The following FCHO2 variants were observed in gnomAD, a reference collection of about 807,000 sequenced individuals.
FCHO2 encodes FCH and mu domain containing endocytic adaptor 2, also known as F-BAR domain only protein 2.
Under a neutral mutation model 114.1 loss-of-function variants are expected in FCHO2, and 43 were observed. The ratio of observed to expected loss-of-function variants is 0.38; its 90% CI spans 0.30 to 0.49. The LOEUF (loss-of-function observed/expected upper bound fraction) is 0.49. FCHO2 is among the 20% of genes least tolerant of loss of function. The pLI is 0.97. For missense variants in FCHO2, 807 were observed against 950.4 expected, an observed-to-expected ratio of 0.85 and a Z score of 1.98; for synonymous variants, 293 against 315.2, an observed-to-expected ratio of 0.93 and a Z score of 0.75.
At chr5:73,038,568 C>T (rs948513357) in intron 10 of FCHO2, among the ~76,000 whole-genome samples, 1 of 152,164 alleles carries the variant, frequency 6.6e-6, no homozygotes, top group Non-Finnish European at 1.5e-5. Flanking sequence ...GATGGGCACT[C>T]ATATTTTTAA....
chr5:73,005,154 C>T (rs1261492536), intron 5 of FCHO2, among the ~76,000 whole-genome samples: 2 of 152,108 alleles, frequency 1.3e-5, no homozygotes, highest in African/African-American at 4.8e-5. Flanking sequence ...TAAACAATTA[C>T]ATTTTAGAGA....
intron 23 of FCHO2, among the ~76,000 whole-genome samples, 171 bp downstream of exon 23, chr5:73,082,153 C>A (rs933571332): frequency 2.6e-5 from 4 of 152,044 alleles, no homozygotes; most frequent in African/African-American, 9.7e-5. Context: ...ACCATAGTAA[C>A]CTTAATCAAA....
At chr5:73,002,727 C>T (rs1754511929) in intron 5 of FCHO2, among the ~76,000 whole-genome samples, 1 of 152,196 alleles carries the variant, frequency 6.6e-6, no homozygotes, top group Non-Finnish European at 1.5e-5. Flanking sequence ...CCTATCACCA[C>T]GCTGGGAACT....
At chr5:73,026,320 CTT>C in intron 8 of FCHO2, among the ~76,000 whole-genome samples, 1 of 151,870 alleles carries the variant, frequency 6.6e-6, no homozygotes, top group Non-Finnish European at 1.5e-5. Flanking sequence ...AAATACAAAA[CTT>C]AGCTGGGTGT....
chr5:73,008,628 G>T (rs1321800434), intron 6 of FCHO2, among the ~76,000 whole-genome samples: 47 of 152,100 alleles, frequency 3.1e-4, no homozygotes, highest in Non-Finnish European at 2.9e-5. Context: ...ATCTGGGCTG[G>T]ACATAATGTC....
intron 5 of FCHO2, among the ~76,000 whole-genome samples, chr5:73,000,805 C>T (rs920377036): frequency 6.6e-6 from 1 of 151,866 alleles, no homozygotes; most frequent in Non-Finnish European, 1.5e-5. Flanking sequence ...GACACAAGGT[C>T]TCATGTTGCA....
intron 1 of FCHO2, among the ~76,000 whole-genome samples, chr5:72,967,351 A>T (rs1335123032): frequency 2.6e-5 from 4 of 152,172 alleles, no homozygotes; most frequent in African/African-American, 7.2e-5. Context: ...CTCTTTTGTT[A>T]AATTTTGTCT....
At chr5:73,054,614 T>C (rs1757497833) in intron 15 of FCHO2, 65 bp downstream of exon 15, 35 of 1,190,748 alleles carry the variant, frequency 2.9e-5, no homozygotes, top group Non-Finnish European at 4.0e-5. Context: ...TTTGTTAGTC[T>C]TTTACCTTTA....
chr5:73,079,078 T>C (rs531441917), intron 22 of FCHO2, among the ~76,000 whole-genome samples: 25 of 152,166 alleles, frequency 1.6e-4, no homozygotes, highest in Non-Finnish European at 3.4e-4. Flanking sequence ...TCTAGAAGAA[T>C]AAAGCTTACA....
chr5:73,087,858 T>C, intron 25 of FCHO2, 105 bp downstream of exon 25: 1 of 1,482,970 alleles, frequency 6.7e-7, no homozygotes, highest in Non-Finnish European at 9.1e-7. Flanking sequence ...ACATGGAAAT[T>C]TTTTCTTTAA....
intron 5 of FCHO2, among the ~76,000 whole-genome samples, chr5:72,998,269 C>T (rs1754234737): frequency 1.3e-5 from 2 of 151,974 alleles, no homozygotes; most frequent in Non-Finnish European, 2.9e-5. Context: ...GGGTGGATCA[C>T]GAGGTCAGGA....
rs1757378170 is a variant in FCHO2, at chr5:73,052,330, A to G, written c.998-2A>G. On this transcript the variant is annotated splice_acceptor_variant, in intron 12 of 25. Transcript: ENST00000430046. LOFTEE classifies it high-confidence loss of function. ...AAAAACAATTCTTTAACTGAAACTC[A>G]CATACCAAAGAGAACCATTTCTACT... The G allele has an allele frequency of 6.2e-7, 1 of 1,601,392 alleles. No homozygotes were observed. The highest frequency in any genetic ancestry group is 8.5e-7 in the Non-Finnish European group (1 of 1,174,666).
intron 2 of FCHO2, among the ~76,000 whole-genome samples, chr5:72,983,456 T>C (rs1753339890): frequency 6.6e-6 from 1 of 152,060 alleles, no homozygotes; most frequent in African/African-American, 2.4e-5. Flanking sequence ...CTCCACGTCT[T>C]GGGCTCAATC....
intron 18 of FCHO2, among the ~76,000 whole-genome samples, chr5:73,068,370 CTAATT>C (rs1299386119): frequency 2.6e-5 from 4 of 152,008 alleles, no homozygotes. Context: ...ACTGTTTAAA[CTAATT>C]TAACTTCTGA....
intron 16 of FCHO2, among the ~76,000 whole-genome samples, chr5:73,056,456 C>T (rs1757598657): frequency 6.6e-6 from 1 of 152,164 alleles, no homozygotes; most frequent in African/African-American, 2.4e-5. Flanking sequence ...TCCCTTCTTC[C>T]ACACACTTAC....
chr5:72,979,582 G>A (rs1398622857), intron 2 of FCHO2, among the ~76,000 whole-genome samples: 7 of 150,268 alleles, frequency 4.7e-5, no homozygotes, highest in Non-Finnish European at 8.9e-5. Context: ...TAGTAGAGAC[G>A]GGGTTTCACC....
intron 8 of FCHO2, among the ~76,000 whole-genome samples, chr5:73,025,529 C>T (rs1357563602): frequency 6.6e-6 from 1 of 152,110 alleles, no homozygotes; most frequent in African/African-American, 2.4e-5. Flanking sequence ...CAGGCACCCA[C>T]CACCCTGCCT....
chr5:73,089,700 A>G lies in FCHO2; in HGVS notation c.*1610A>G, dbSNP rs1350580991. The G allele has an allele frequency of 6.6e-6, 1 of 152,510 alleles. No individual in the cohort carries two copies. The highest frequency in any genetic ancestry group is 1.5e-5 in the Non-Finnish European group (1 of 67,934). 9.4% of individuals were successfully genotyped at this position (152,510 alleles called of 1,614,324 possible). A position where few individuals can be genotyped will look rare whatever the true frequency, so the allele number is the denominator to read the frequency against. On this transcript the variant is annotated 3_prime_UTR_variant, in exon 26 of 26. Transcript: ENST00000430046. Reference sequence around the variant, plus strand: ...ATATGATAATTTATATAAAACCACTAATTGTTCCGTTAAGCTTCACAGAAA... The same window carrying G: ...ATATGATAATTTATATAAAACCACTGATTGTTCCGTTAAGCTTCACAGAAA...
At chr5:73,074,604 C>A (rs1235063365) in intron 19 of FCHO2, 138 bp from the exon 20 acceptor site, 3 of 707,698 alleles carry the variant, frequency 4.2e-6, no homozygotes, top group African/African-American at 3.7e-5. Flanking sequence ...TATTTCTTAG[C>A]CCCCAGATTT....
Sources: allele counts gnomAD v4.1 joint callset (sites outside exome capture counted in the v4.1 genomes callset), GRCh38; gene constraint gnomAD v4.1.1; transcripts MANE v1.5; gene names NCBI Gene and HGNC (gene_info 2026-07-23, HGNC 2026-07-21).